SCTR: variants seen among roughly 807,000 people sequenced by gnomAD.
SCTR encodes the protein secretin receptor.
Under a neutral mutation model 60.8 loss-of-function variants are expected in SCTR, and 56 were observed. That is an observed-to-expected ratio of 0.92 (90% CI 0.74 to 1.15). The LOEUF (loss-of-function observed/expected upper bound fraction) is 1.15. Ranked by LOEUF, SCTR falls within the 50% of genes most tolerant of loss-of-function variation. SCTR has a pLI of 0.00. For synonymous variants in SCTR, 202 were observed against 217.0 expected (o/e 0.93, Z 0.61); for missense variants, 562 against 550.4 (o/e 1.02, Z -0.21).
chr2:119,523,564 G>C (rs1057432364), intron 1 of SCTR, among the ~76,000 whole-genome samples: 1 of 151,866 alleles, frequency 6.6e-6, no homozygotes, highest in Non-Finnish European at 1.5e-5. Flanking sequence ...GCGGCAGGCG[G>C]TCCCATCGCA....
intron 1 of SCTR, among the ~76,000 whole-genome samples, chr2:119,516,841 C>T (rs1482218540): frequency 6.6e-6 from 1 of 152,150 alleles, no homozygotes. Flanking sequence ...TGCCTCTAAT[C>T]CCAGCTACTC....
At chr2:119,454,861 A>C (rs1267715541) in intron 7 of SCTR, among the ~76,000 whole-genome samples, 1 of 151,832 alleles carries the variant, frequency 6.6e-6, no homozygotes, top group African/African-American at 2.4e-5. Flanking sequence ...TCTCAAAAAA[A>C]AAAAAATGTA....
chr2:119,507,679 T>G (rs78443141), intron 1 of SCTR, among the ~76,000 whole-genome samples: 3 of 121,882 alleles, frequency 2.5e-5, no homozygotes, highest in African/African-American at 3.1e-5. Flanking sequence ...TTTTTTTTTT[T>G]CTTTTTTTTT....
At chr2:119,459,327 A>C (rs1345063627) in intron 7 of SCTR, among the ~76,000 whole-genome samples, 1 of 152,174 alleles carries the variant, frequency 6.6e-6, no homozygotes, top group Non-Finnish European at 1.5e-5. Flanking sequence ...GACCACAGCT[A>C]TGTGAGGAAA....
intron 1 of SCTR, among the ~76,000 whole-genome samples, chr2:119,500,148 C>T (rs78890271): frequency 0.03 from 4,515 of 151,934 alleles, 238 homozygotes; most frequent in African/African-American, 0.1. Flanking sequence ...CACAATGAGA[C>T]AGTATTTCAC....
At chr2:119,468,631 G>A (rs1215415492) in intron 4 of SCTR, among the ~76,000 whole-genome samples, 3 of 152,208 alleles carry the variant, frequency 2.0e-5, no homozygotes, top group Admixed American at 2.0e-4. Flanking sequence ...AAATGAGTCA[G>A]CGGTTTGAGA....
At chr2:119,474,753 T>C (rs1416967029) in intron 3 of SCTR, among the ~76,000 whole-genome samples, 3 of 152,178 alleles carry the variant, frequency 2.0e-5, no homozygotes, top group Non-Finnish European at 2.9e-5. Flanking sequence ...GGCCCAGAAT[T>C]GAGCTATCAT....
intron 1 of SCTR, among the ~76,000 whole-genome samples, chr2:119,510,611 G>A (rs1165254764): frequency 6.6e-6 from 1 of 152,108 alleles, no homozygotes; most frequent in Non-Finnish European, 1.5e-5. Flanking sequence ...AAATTTAAAA[G>A]TATTAAATAC....
chr2:119,519,391 T>C (rs1160411368), intron 1 of SCTR, among the ~76,000 whole-genome samples: 1 of 152,224 alleles, frequency 6.6e-6, no homozygotes. Flanking sequence ...TATTTTTTTA[T>C]GTTTCACAAA....
At chr2:119,463,049 C>T (rs1683680088) in intron 6 of SCTR, among the ~76,000 whole-genome samples, 1 of 148,866 alleles carries the variant, frequency 6.7e-6, no homozygotes, top group African/African-American at 2.5e-5. Flanking sequence ...ACCTCTCAGT[C>T]TGAGTCAGAA....
intron 7 of SCTR, among the ~76,000 whole-genome samples, chr2:119,458,725 G>T (rs1009654192): frequency 6.6e-6 from 1 of 152,200 alleles, no homozygotes; most frequent in African/African-American, 2.4e-5. Flanking sequence ...TGCAAAATTT[G>T]TAATGGTTTA....
chr2:119,524,055 T>A (rs1053988888), intron 1 of SCTR, 100 bp downstream of exon 1: 4 of 863,708 alleles, frequency 4.6e-6, no homozygotes, highest in Middle Eastern at 2.1e-4. Flanking sequence ...CATGGGAAGA[T>A]CTGCTAGTCC....
At chr2:119,521,216 A>T (rs908355660) in intron 1 of SCTR, among the ~76,000 whole-genome samples, 1 of 152,216 alleles carries the variant, frequency 6.6e-6, no homozygotes, top group South Asian at 2.1e-4. Flanking sequence ...AAAAAGCCCT[A>T]CCTTGAGTGA....
At chr2:119,506,740 T>A (rs1341588709) in intron 1 of SCTR, among the ~76,000 whole-genome samples, 4 of 152,098 alleles carry the variant, frequency 2.6e-5, no homozygotes, top group Non-Finnish European at 5.9e-5. Flanking sequence ...CCTCTCAAAG[T>A]CTTGGGATTA....
chr2:119,474,805 C>T (rs1677197198), intron 3 of SCTR, among the ~76,000 whole-genome samples: 2 of 152,334 alleles, frequency 1.3e-5, no homozygotes, highest in African/African-American at 4.8e-5. Context: ...ACCCACCCAC[C>T]GGGCCCTCTT....
At chr2:119,489,736 T>C (rs556453878) in intron 2 of SCTR, among the ~76,000 whole-genome samples, 60 of 152,136 alleles carry the variant, frequency 3.9e-4, no homozygotes, top group African/African-American at 9.4e-4. Context: ...AGGAAAGAAA[T>C]GGACAGGCAG....
rs182747603 is a variant in SCTR, at chr2:119,498,789, C to A, written c.73-4241G>T. Among the ~76,000 whole-genome samples the A allele has an allele frequency of 2.7e-3, 403 of 151,960 alleles. 4 individuals are homozygous for A. Among genetic ancestry groups the A allele is most frequent in the African/African-American group, 8.9e-3 (368 of 41,494 alleles). ...TTTTAAAAATTGTTCAACTAACCCA[C>A]AAGAAGGCAGAGAAAAGTAAACTAA... On this transcript the variant is annotated intron_variant, in intron 1 of 12. Coordinates refer to ENST00000019103, the MANE Select transcript of SCTR (RefSeq NM_002980.3).
At chr2:119,481,529 T>G (rs1192397515) in intron 2 of SCTR, among the ~76,000 whole-genome samples, 4 of 152,210 alleles carry the variant, frequency 2.6e-5, no homozygotes, top group African/African-American at 7.2e-5. Context: ...ACTCTGAGTC[T>G]CCCTGCTCCT....
intron 3 of SCTR, among the ~76,000 whole-genome samples, chr2:119,478,480 A>T (rs1283796500): frequency 1.3e-5 from 2 of 152,142 alleles, no homozygotes; most frequent in Non-Finnish European, 2.9e-5. Context: ...TGGGGACTGG[A>T]ACAAGGCCCC....
Sources: gnomAD v4.1 joint callset for allele counts (sites outside exome capture counted in the v4.1 genomes callset) on GRCh38, gnomAD v4.1.1 for gene constraint, MANE v1.5 for transcripts, NCBI Gene and HGNC (gene_info 2026-07-23, HGNC 2026-07-21) for gene names.